Variants in PRSS55 observed in about 807,000 individuals in gnomAD.
PRSS55 encodes the protein probable serine protease UNQ9391/PRO34284.
PRSS55 carries 41 observed loss-of-function variants against 23.6 expected under a neutral mutation model. The observed-to-expected ratio is 1.74, with a 90% CI of 1.35 to 2.26. PRSS55 has a LOEUF of 2.26. Among genes scored for constraint, PRSS55 ranks in the 30% most tolerant of loss-of-function variants. PRSS55 has a pLI of 0.00. For missense variants in PRSS55, 669 were observed against 439.1 expected (o/e 1.52, Z -4.68); for synonymous variants, 262 against 175.5 (o/e 1.49, Z -3.90).
downstream of PRSS55, among the ~76,000 whole-genome samples, chr8:10,543,470 TTCTTTCTC>T: frequency 2.7e-5 from 1 of 37,136 alleles, no homozygotes; most frequent in Non-Finnish European, 8.8e-5. Flanking sequence ...CTTCCTTTCT[TTCTTTCTC>T]TCTTTTTTTT....
At chr8:10,541,290 T>C (rs906909694), downstream of PRSS55, 2 of 152,340 alleles carry the variant, frequency 1.3e-5, no homozygotes, top group South Asian at 4.1e-4. Flanking sequence ...GATGTTTAAA[T>C]TGGTAAACTG....
At chr8:10,530,032 C>T (rs1385277682) in intron 2 of PRSS55, among the ~76,000 whole-genome samples, 1 of 152,180 alleles carries the variant, frequency 6.6e-6, no homozygotes, top group African/African-American at 2.4e-5. Flanking sequence ...GGGGGAAATC[C>T]TTGTAATTCT....
intron 1 of PRSS55, among the ~76,000 whole-genome samples, chr8:10,527,349 C>T (rs1194884422): frequency 3.9e-5 from 6 of 152,196 alleles, no homozygotes; most frequent in Non-Finnish European, 8.8e-5. Context: ...TCCAGACACC[C>T]GGAGTGGAGT....
chr8:10,531,555 T>A lies in PRSS55; in HGVS notation c.598+10T>A. On this transcript the variant is annotated intron_variant, in intron 3 of 4. Coordinates refer to ENST00000328655, the MANE Select transcript of PRSS55 (RefSeq NM_198464.4). ...GGCCAGACCAATGCTGGTATGTGAC[T>A]GCTCAGCTTCCCCTGGGGAAAAAGC... is the stretch of plus-strand genomic sequence containing the variant. 1.2e-6 allele frequency: 2 copies of A among 1,612,220 alleles called. No homozygotes were observed. The highest frequency in any genetic ancestry group is 1.7e-6 in the Non-Finnish European group (2 of 1,179,408).
At chr8:10,542,049 T>C (rs1422817310), downstream of PRSS55, among the ~76,000 whole-genome samples, 1 of 152,230 alleles carries the variant, frequency 6.6e-6, no homozygotes, top group Non-Finnish European at 1.5e-5. Flanking sequence ...AGTGCTGTGA[T>C]GACAGGCATT....
intron 4 of PRSS55, among the ~76,000 whole-genome samples, chr8:10,533,654 T>A (rs551596366): frequency 1.3e-5 from 2 of 152,198 alleles, no homozygotes; most frequent in Non-Finnish European, 2.9e-5. Flanking sequence ...GCTCAAAGGA[T>A]GAATGATGAC....
intron 4 of PRSS55, among the ~76,000 whole-genome samples, chr8:10,552,576 A>T (rs893378763): frequency 3.9e-5 from 6 of 152,260 alleles, no homozygotes; most frequent in Non-Finnish European, 8.8e-5. Context: ...ACAACTCAGT[A>T]GTAAGAAAAC....
intron 4 of PRSS55, among the ~76,000 whole-genome samples, chr8:10,549,307 A>C (rs1329285069): frequency 1.3e-5 from 2 of 152,174 alleles, no homozygotes; most frequent in East Asian, 1.9e-4. Context: ...CCAATCCCAG[A>C]AACTCTGGTG....
chr8:10,543,647 G>C (rs367902861), downstream of PRSS55, among the ~76,000 whole-genome samples: 1 of 151,048 alleles, frequency 6.6e-6, no homozygotes, highest in South Asian at 2.1e-4. Flanking sequence ...ACATCTTTTA[G>C]TTTCTACATC....
chr8:10,533,120 C>G, intron 4 of PRSS55, 72 bp downstream of exon 4: 2 of 1,489,766 alleles, frequency 1.3e-6, no homozygotes, highest in Non-Finnish European at 1.8e-6. Flanking sequence ...AGGGTATTCT[C>G]TCTCTGCTGC....
rs1812192677 is a variant in PRSS55 at position 10,530,002 on chromosome 8, AG to A, written c.347+306del. Among the ~76,000 whole-genome samples the A allele has an allele frequency of 7.2e-5, 11 of 152,274 alleles. No individual in the cohort carries two copies. In the South Asian group the frequency reaches 2.3e-3, roughly 32 times the overall value. ...GCGGCTTGGTCCAAATGCCTCTCCTAGGGCATTCAAGTCCATCTAGGGGGAA... is the reference window on the plus strand; with the variant it reads ...GCGGCTTGGTCCAAATGCCTCTCCTAGGCATTCAAGTCCATCTAGGGGGAA... On this transcript the variant is annotated intron_variant, in intron 2 of 4. Coordinates refer to ENST00000328655, the MANE Select transcript of PRSS55 (RefSeq NM_198464.4).
At chr8:10,531,569 T>G in intron 3 of PRSS55, 24 bp downstream of exon 3, 2 of 1,609,984 alleles carry the variant, frequency 1.2e-6, no homozygotes, top group Non-Finnish European at 1.7e-6. Flanking sequence ...CAGCTTCCCC[T>G]GGGGAAAAAG....
At position 10,538,764 on chromosome 8, in the gene PRSS55, C is replaced by T; in HGVS notation, c.1030C>T (p.His344Tyr). The T allele has an allele frequency of 6.3e-7, 1 of 1,598,240 alleles. No homozygotes were observed. Among genetic ancestry groups the T allele is most frequent in the Non-Finnish European group, 8.5e-7 (1 of 1,174,032 alleles). ...CTGGCTCCTGCTCTGTCCCCTGTCC[C>T]ATGTGTTGTTCAGAGCTATTTTGTA... The part of the protein sequence containing the change: ...RSWLLLCPLS[H>Y]VLFRAILY The change falls in exon 5 of 5, where the codon CAT becomes TAT. Residue 344 changes from histidine to tyrosine, a missense_variant. Physicochemically the swap from His to Tyr is moderately conservative, Grantham distance 83. Coordinates refer to ENST00000328655, the MANE Select transcript of PRSS55 (RefSeq NM_198464.4).
chr8:10,538,448 C>T, intron 4 of PRSS55, 28 bp from the exon 5 acceptor site: 1 of 1,553,856 alleles, frequency 6.4e-7, no homozygotes, highest in South Asian at 1.2e-5. Context: ...AACCGGACTC[C>T]CTGCTGAGCT....
chr8:10,528,067 C>G (rs575949943), intron 1 of PRSS55, among the ~76,000 whole-genome samples: 31 of 152,156 alleles, frequency 2.0e-4, no homozygotes, highest in Admixed American at 3.3e-4. Context: ...AATACAAAAA[C>G]TGTAGTCCCA....
At chr8:10,526,826 G>A (rs1812040538) in intron 1 of PRSS55, among the ~76,000 whole-genome samples, 2 of 152,162 alleles carry the variant, frequency 1.3e-5, no homozygotes, top group African/African-American at 4.8e-5. Flanking sequence ...TATAAAGTTG[G>A]CATTATCTTA....
At chr8:10,542,574 C>T (rs1377693313), downstream of PRSS55, among the ~76,000 whole-genome samples, 2 of 151,910 alleles carry the variant, frequency 1.3e-5, no homozygotes, top group Non-Finnish European at 2.9e-5. Flanking sequence ...CAAACGTCTC[C>T]TTAAAGATGA....
intron 4 of PRSS55, among the ~76,000 whole-genome samples, chr8:10,551,742 C>G (rs1812956365): frequency 6.6e-6 from 1 of 152,212 alleles, no homozygotes; most frequent in Non-Finnish European, 1.5e-5. Flanking sequence ...GGGAGAAGCT[C>G]CCACCCCATC....
At chr8:10,542,837 C>T (rs1812697240), downstream of PRSS55, among the ~76,000 whole-genome samples, 1 of 135,790 alleles carries the variant, frequency 7.4e-6, no homozygotes, top group African/African-American at 2.8e-5. Context: ...CATGCCATTG[C>T]ACTCCAGCCT....
Sources: allele counts gnomAD v4.1 joint callset (sites outside exome capture counted in the v4.1 genomes callset), GRCh38; gene constraint gnomAD v4.1.1; transcripts MANE v1.5; gene names NCBI Gene and HGNC (gene_info 2026-07-23, HGNC 2026-07-21).